Variants in TCF20 observed in about 807,000 individuals in gnomAD.
TCF20 encodes transcription factor 20, also known as SPRE-binding protein.
In TCF20, 3 loss-of-function variants were observed where a neutral mutation model predicts 148.6. The ratio of observed to expected loss-of-function variants is 0.02; its 90% confidence interval spans 0.01 to 0.05. The LOEUF is 0.05. Ranked by LOEUF, TCF20 falls within the 10% of genes least tolerant of loss-of-function variation. TCF20 has a pLI of 1.00. For missense variants in TCF20, 2,350 were observed against 2,429.3 expected, an observed-to-expected ratio of 0.97 and a Z score of 0.69; for synonymous variants, 1,049 against 909.5, an observed-to-expected ratio of 1.15 and a Z score of -2.76.
At chr22:42,289,413 T>G (rs1249552173) in intron 1 of TCF20, among the ~76,000 whole-genome samples, 2 of 152,098 alleles carry the variant, frequency 1.3e-5, no homozygotes, top group African/African-American at 4.8e-5. Context: ...GTAGAATTAT[T>G]AACAATAATC....
intron 1 of TCF20, among the ~76,000 whole-genome samples, chr22:42,312,016 G>T (rs1423640657): frequency 6.6e-6 from 1 of 152,212 alleles, no homozygotes; most frequent in Non-Finnish European, 1.5e-5. Context: ...TCTGCCAAAA[G>T]GCAACAGAGA....
chr22:42,272,009 G>A (rs1246005598), upstream of TCF20, among the ~76,000 whole-genome samples: 1 of 152,184 alleles, frequency 6.6e-6, no homozygotes, highest in Non-Finnish European at 1.5e-5. Context: ...CCCTTGGCAG[G>A]AGCATGTACT....
chr22:42,319,074 C>T (rs572050737), intron 1 of TCF20, among the ~76,000 whole-genome samples: 1 of 152,220 alleles, frequency 6.6e-6, no homozygotes, highest in Non-Finnish European at 1.5e-5. Context: ...GCCCCACATG[C>T]AGGGAACATT....
intron 2 of TCF20, among the ~76,000 whole-genome samples, chr22:42,196,939 A>G (rs1253269912): frequency 2.0e-5 from 3 of 152,110 alleles, no homozygotes; most frequent in Admixed American, 2.0e-4. Context: ...CTTCAATTCT[A>G]TTTTCATAAG....
At chr22:42,287,296 A>C (rs1167084738), upstream of TCF20, among the ~76,000 whole-genome samples, 1 of 152,110 alleles carries the variant, frequency 6.6e-6, no homozygotes, top group African/African-American at 2.4e-5. Flanking sequence ...CCAACAAAGA[A>C]ACCAGAACGT....
chr22:42,163,616 C>T (rs1004856288), intron 5 of TCF20, among the ~76,000 whole-genome samples: 4 of 152,194 alleles, frequency 2.6e-5, no homozygotes, highest in African/African-American at 9.7e-5. Flanking sequence ...TAGCCCAAAG[C>T]GACGTGGCCA....
At chr22:42,204,145 T>C (rs1231647958) in intron 2 of TCF20, among the ~76,000 whole-genome samples, 1 of 152,190 alleles carries the variant, frequency 6.6e-6, no homozygotes, top group Non-Finnish European at 1.5e-5. Context: ...AAGATGTGAG[T>C]CTGTTAGATG....
chr22:42,182,470 G>A (rs904426845), intron 2 of TCF20, among the ~76,000 whole-genome samples: 4 of 152,128 alleles, frequency 2.6e-5, no homozygotes, highest in South Asian at 4.1e-4. Flanking sequence ...TCACCATCCC[G>A]GTTTACAAGA....
intron 1 of TCF20, among the ~76,000 whole-genome samples, chr22:42,259,208 T>C (rs901436516): frequency 2.0e-5 from 3 of 152,158 alleles, no homozygotes; most frequent in Admixed American, 2.0e-4. Flanking sequence ...ATCGCTAGCT[T>C]TTCTCAGAGT....
intron 1 of TCF20, among the ~76,000 whole-genome samples, chr22:42,235,109 T>C (rs748609601): frequency 7.8e-5 from 11 of 141,802 alleles, no homozygotes; most frequent in Non-Finnish European, 1.5e-4. Context: ...GCCACTGCAC[T>C]CCAGTCTGGC....
At chr22:42,231,111 G>A (rs999447389) in intron 1 of TCF20, among the ~76,000 whole-genome samples, 1 of 152,110 alleles carries the variant, frequency 6.6e-6, no homozygotes, top group Non-Finnish European at 1.5e-5. Flanking sequence ...GCAGTGAGCT[G>A]AGACTGCACC....
At chr22:42,181,223 G>A (rs543374365) in intron 2 of TCF20, among the ~76,000 whole-genome samples, 2 of 151,912 alleles carry the variant, frequency 1.3e-5, no homozygotes, top group Non-Finnish European at 2.9e-5. Flanking sequence ...TTGCTTTGTC[G>A]CCCAGGCTGG....
Position 42,296,220 on chromosome 22 carries a change from G to A in TCF20, c.-37+47259C>T, listed in dbSNP as rs562317453. Among the ~76,000 whole-genome samples, 5 of 152,256 alleles carry A rather than the reference G, an allele frequency of 3.3e-5. No homozygotes were observed. The South Asian group carries it at 8.3e-4, about 25-fold the overall frequency. ...TCTTCAGCAGCAGCCTGGCCTCCCC[G>A]AGCCAGGCCTCAGCGAACGGGATGC... is the stretch of plus-strand genomic sequence containing the variant. On this transcript the variant is annotated intron_variant, in intron 1 of 1. Transcript: ENST00000515426.
chr22:42,216,891 A>C (rs1254659946), intron 1 of TCF20, among the ~76,000 whole-genome samples: 1 of 152,182 alleles, frequency 6.6e-6, no homozygotes, highest in Non-Finnish European at 1.5e-5. Flanking sequence ...TCAGAGTCAG[A>C]GATGAAAGGG....
At chr22:42,196,509 A>G (rs935916917) in intron 2 of TCF20, among the ~76,000 whole-genome samples, 6 of 152,242 alleles carry the variant, frequency 3.9e-5, no homozygotes, top group African/African-American at 1.4e-4. Flanking sequence ...GAACTGTCCT[A>G]TCACTTATCC....
At chr22:42,303,119 G>A (rs944918798) in intron 1 of TCF20, among the ~76,000 whole-genome samples, 5 of 152,186 alleles carry the variant, frequency 3.3e-5, no homozygotes, top group Non-Finnish European at 7.3e-5. Context: ...TAGTAGCGAC[G>A]GGGTTTCACC....
At chr22:42,342,013 G>A (rs1928176972) in intron 1 of TCF20, among the ~76,000 whole-genome samples, 1 of 152,066 alleles carries the variant, frequency 6.6e-6, no homozygotes, top group African/African-American at 2.4e-5. Flanking sequence ...TCTCAGGCAG[G>A]GAAGACCCAG....
At chr22:42,291,771 C>G (rs1601695442) in intron 1 of TCF20, among the ~76,000 whole-genome samples, 1 of 151,892 alleles carries the variant, frequency 6.6e-6, no homozygotes, top group East Asian at 1.9e-4. Context: ...CACAAGATGC[C>G]TAGGAGGGGC....
intron 2 of TCF20, among the ~76,000 whole-genome samples, chr22:42,194,048 C>T (rs1212566082): frequency 6.6e-6 from 1 of 152,136 alleles, no homozygotes; most frequent in Non-Finnish European, 1.5e-5. Context: ...TCAGAGTTCC[C>T]AAGTCAAATT....
Sources: gnomAD v4.1 joint callset for allele counts (sites outside exome capture counted in the v4.1 genomes callset) on GRCh38, gnomAD v4.1.1 for gene constraint, MANE v1.5 for transcripts, NCBI Gene and HGNC (gene_info 2026-07-23, HGNC 2026-07-21) for gene names.